Variants in BRIP1 observed in about 807,000 individuals in gnomAD.
BRIP1 encodes BRCA1 interacting DNA helicase 1, also known as Fanconi anemia group J protein.
BRIP1 carries 88 observed loss-of-function variants against 119.7 expected under a neutral mutation model. The ratio of observed to expected loss-of-function variants is 0.74; its 90% CI spans 0.62 to 0.88. BRIP1 has a LOEUF of 0.88. BRIP1 is among the 40% of genes least tolerant of loss of function. The pLI, the probability that BRIP1 is intolerant of heterozygous loss-of-function variation, is 0.00. For missense variants in BRIP1, 1,259 were observed against 1,455.4 expected (o/e 0.87, Z 2.20); for synonymous variants, 443 against 496.5 (o/e 0.89, Z 1.43).
chr17:61,786,654 C>T (rs902297532), intron 10 of BRIP1, among the ~76,000 whole-genome samples: 1 of 144,254 alleles, frequency 6.9e-6, no homozygotes, highest in Non-Finnish European at 1.5e-5. Flanking sequence ...ATTTAATTAA[C>T]TGAATTGAAT....
chr17:61,797,917 A>G (rs1247068430), intron 9 of BRIP1, among the ~76,000 whole-genome samples: 2 of 151,910 alleles, frequency 1.3e-5, no homozygotes, highest in African/African-American at 4.8e-5. Flanking sequence ...CAATTTCCAT[A>G]CTCTTATACA....
chr17:61,749,444 A>G (rs935547490), intron 14 of BRIP1, among the ~76,000 whole-genome samples: 9 of 152,206 alleles, frequency 5.9e-5, no homozygotes, highest in African/African-American at 2.2e-4. Context: ...AAAGGACATG[A>G]ATAGACAGTT....
rs1280090897 is a variant in BRIP1 at position 61,793,765 on chromosome 17, C to A, written c.1341-36G>T. 6.3e-7 allele frequency: 1 copy of A among 1,591,882 alleles called. No individual in the cohort carries two copies. Among genetic ancestry groups the A allele is most frequent in the Admixed American group, 1.7e-5 (1 of 59,138 alleles). Reference sequence around the variant, plus strand: ...ATAAAACAATTGTGTCAACCAGTATCATCCTTACACACACTATTTCAGCAG... The same window carrying A: ...ATAAAACAATTGTGTCAACCAGTATAATCCTTACACACACTATTTCAGCAG... On this transcript the variant is annotated intron_variant, in intron 9 of 19. Transcript: ENST00000259008. This position sits in a 1 kb window ranked among gnomAD's most constrained non-coding sequence, Gnocchi z 5.2.
Position 61,768,158 on chromosome 17 carries a change from C to T in BRIP1, c.2097+8243G>A, listed in dbSNP as rs986783976. Among the ~76,000 whole-genome samples the T allele has an allele frequency of 3.3e-5, 5 of 151,930 alleles. No homozygotes were observed. Among genetic ancestry groups the T allele is most frequent in the Non-Finnish European group, 7.4e-5 (5 of 67,990 alleles). On this transcript the variant is annotated intron_variant, in intron 14 of 19. Coordinates refer to ENST00000259008, the MANE Select transcript of BRIP1 (RefSeq NM_032043.3). This position sits in a 1 kb window ranked among gnomAD's most constrained non-coding sequence, Gnocchi z 5.0. ...TTTAACAGGACTTAGTGCAGTCCTC[C>T]GCACAAAGTATGTACTCAATAATGA...
At position 61,753,128 on chromosome 17, in the gene BRIP1, A is replaced by G. The variant is rs1245033807; in HGVS notation, c.2098-8537T>C. On this transcript the variant is annotated intron_variant, in intron 14 of 19. Coordinates refer to ENST00000259008, the MANE Select transcript of BRIP1 (RefSeq NM_032043.3). The surrounding 1 kb of genome is among the most constrained non-coding windows in gnomAD (Gnocchi z 4.6). ...AAGGAATAGAGACTCGAGCTTGTAT[A>G]CTCAGCCTCCTTGCCCTGTGATACT... Among the ~76,000 whole-genome samples the G allele has an allele frequency of 1.3e-5, 2 of 152,084 alleles. No individual in the cohort carries two copies. The highest frequency in any genetic ancestry group is 2.9e-5 in the Non-Finnish European group (2 of 68,026).
chr17:61,681,757 G>A lies in BRIP1; in HGVS notation c.*1539C>T, dbSNP rs2061273573. The A allele has an allele frequency of 5.0e-6, 1 of 198,162 alleles. No individual in the cohort carries two copies. Among genetic ancestry groups the A allele is most frequent in the African/African-American group, 2.3e-5 (1 of 43,504 alleles). The allele number at this position is 198,162 out of a possible 1,614,324, so 12.3% of individuals were successfully genotyped here. A position where few individuals can be genotyped will look rare whatever the true frequency, so the allele number is the denominator to read the frequency against. On this transcript the variant is annotated 3_prime_UTR_variant, in exon 20 of 20. Coordinates refer to ENST00000259008, the MANE Select transcript of BRIP1 (RefSeq NM_032043.3). This position sits in a 1 kb window ranked among gnomAD's most constrained non-coding sequence, Gnocchi z 5.1. ...TAAATGTCTTTGAACTACGCTTAGAGTTGTAACATCAAATGCTATAGAAAC... is the reference window on the plus strand; with the variant it reads ...TAAATGTCTTTGAACTACGCTTAGAATTGTAACATCAAATGCTATAGAAAC...
In BRIP1 at chr17:61,710,290, G is replaced by A. The variant is rs1423094179; in HGVS notation, c.2492+5661C>T. On this transcript the variant is annotated intron_variant, in intron 17 of 19. Coordinates refer to ENST00000259008, the MANE Select transcript of BRIP1 (RefSeq NM_032043.3). This position sits in a 1 kb window ranked among gnomAD's most constrained non-coding sequence, Gnocchi z 5.4. Reference sequence around the variant, plus strand: ...GCTCTCTGGGCAATGTTGTATGGCAGGAAAAAGCACTGAACCTCACATTTT... The same window carrying A: ...GCTCTCTGGGCAATGTTGTATGGCAAGAAAAAGCACTGAACCTCACATTTT... 6.6e-6 allele frequency among the ~76,000 whole-genome samples: 1 copy of A among 152,126 alleles called. No individual in the cohort carries two copies. The highest frequency in any genetic ancestry group is 1.9e-4 in the East Asian group (1 of 5,200).
rs1357550269 is a variant in BRIP1, at chr17:61,746,515, T to TAA, written c.2098-1926_2098-1925dup. 2.0e-5 allele frequency among the ~76,000 whole-genome samples: 3 copies of TAA among 152,090 alleles called. No homozygotes were observed. Among genetic ancestry groups the TAA allele is most frequent in the Non-Finnish European group, 4.4e-5 (3 of 67,978 alleles). ...AGAAAAAGATATTACTTATAAATGG[T>TAA]AACCAAAAGACAGCAGAGGTGGCAA... On this transcript the variant is annotated intron_variant, in intron 14 of 19. Coordinates refer to ENST00000259008, the MANE Select transcript of BRIP1 (RefSeq NM_032043.3). This position sits in a 1 kb window ranked among gnomAD's most constrained non-coding sequence, Gnocchi z 4.9.
chr17:61,706,663 A>G lies in BRIP1; in HGVS notation c.2492+9288T>C, dbSNP rs2061694372. 6.6e-6 allele frequency among the ~76,000 whole-genome samples: 1 copy of G among 152,092 alleles called. No individual in the cohort carries two copies. The highest frequency in any genetic ancestry group is 2.1e-4 in the South Asian group (1 of 4,822). On this transcript the variant is annotated intron_variant, in intron 17 of 19. Coordinates refer to ENST00000259008, the MANE Select transcript of BRIP1 (RefSeq NM_032043.3). This position sits in a 1 kb window ranked among gnomAD's most constrained non-coding sequence, Gnocchi z 5.7. ...TGATTCTCTCCTGTGGAAGATGTTT[A>G]TTTCTCTTATACCACTGATACTTCA... is the stretch of plus-strand genomic sequence containing the variant.
At chr17:61,858,965 G>C (rs1409491823) in intron 3 of BRIP1, among the ~76,000 whole-genome samples, 1 of 150,602 alleles carries the variant, frequency 6.6e-6, no homozygotes, top group Non-Finnish European at 1.5e-5. Flanking sequence ...AGAGGCTGAA[G>C]CAGGAGAATC....
At chr17:61,811,516 C>G (rs1270489126) in intron 6 of BRIP1, among the ~76,000 whole-genome samples, 1 of 151,700 alleles carries the variant, frequency 6.6e-6, no homozygotes, top group Non-Finnish European at 1.5e-5. Context: ...AGCCACCATG[C>G]CCGGCCAAGA....
In BRIP1 at chr17:61,742,963, C is replaced by A. The variant is rs752688682; in HGVS notation, c.2379+50G>T. The A allele has an allele frequency of 4.4e-6, 7 of 1,606,388 alleles. No individual in the cohort carries two copies. The highest frequency in any genetic ancestry group is 6.0e-6 in the Non-Finnish European group (7 of 1,173,892). ...AGGGATCCCTGCAATTAACTTTATA[C>A]AAAACCAATGACTCCTGTAATAATA... On this transcript the variant is annotated intron_variant, in intron 16 of 19. Transcript: ENST00000259008. This position sits in a 1 kb window ranked among gnomAD's most constrained non-coding sequence, Gnocchi z 4.7.
intron 16 of BRIP1, among the ~76,000 whole-genome samples, chr17:61,737,149 T>TG (rs1340204381): frequency 6.6e-6 from 1 of 151,938 alleles, no homozygotes; most frequent in African/African-American, 2.4e-5. Flanking sequence ...AAGGAAATGA[T>TG]GAAGGATTGA....
At chr17:61,782,607 T>C (rs541006623) in intron 11 of BRIP1, among the ~76,000 whole-genome samples, 37 of 152,236 alleles carry the variant, frequency 2.4e-4, no homozygotes, top group African/African-American at 7.9e-4. Flanking sequence ...GTAAAGTATA[T>C]ATCTCTTACA....
At chr17:61,692,824 ATTAAAC>A (rs908542497) in intron 18 of BRIP1, among the ~76,000 whole-genome samples, 5 of 152,224 alleles carry the variant, frequency 3.3e-5, no homozygotes, top group African/African-American at 1.2e-4. Flanking sequence ...AAATCAAAAA[ATTAAAC>A]TTAGAACTAT....
chr17:61,684,681 T>A lies in BRIP1; in HGVS notation c.2906-541A>T, dbSNP rs1284960225. The A allele has an allele frequency of 6.6e-6, 1 of 152,584 alleles. No individual in the cohort carries two copies. 9.5% of individuals were successfully genotyped at this position (152,584 alleles called of 1,614,324 possible). On this transcript the variant is annotated intron_variant, in intron 19 of 19. Transcript: ENST00000259008. The surrounding 1 kb of genome is among the most constrained non-coding windows in gnomAD (Gnocchi z 4.5). ...TATAGTGAATTTTGTATTACTATTT[T>A]GTAGTATTTATATACAAAATTGTAT...
At chr17:61,782,488 A>C (rs549073576) in intron 11 of BRIP1, among the ~76,000 whole-genome samples, 3 of 152,280 alleles carry the variant, frequency 2.0e-5, no homozygotes, top group Admixed American at 6.5e-5. Context: ...AGGCAACAAC[A>C]AGAAAAGAGA....
intron 6 of BRIP1, among the ~76,000 whole-genome samples, chr17:61,819,756 G>C (rs1338913736): frequency 3.9e-5 from 6 of 152,120 alleles, no homozygotes; most frequent in African/African-American, 9.7e-5. Context: ...AGGGGAGAGA[G>C]TGGAGTTGTT....
At position 61,806,546 on chromosome 17, in the gene BRIP1, T is replaced by C. The variant is rs1016725817; in HGVS notation, c.918+1921A>G. Among the ~76,000 whole-genome samples, 2 of 152,238 alleles carry C rather than the reference T, an allele frequency of 1.3e-5. No individual in the cohort carries two copies. The highest frequency in any genetic ancestry group is 2.9e-5 in the Non-Finnish European group (2 of 68,038). ...AGTCTACTGAATTCCTTTTTATTTT[T>C]ACATGATTCAAACTTATGAGTAAAG... is the stretch of plus-strand genomic sequence containing the variant. On this transcript the variant is annotated intron_variant, in intron 7 of 19. Transcript: ENST00000259008. The surrounding 1 kb of genome is among the most constrained non-coding windows in gnomAD (Gnocchi z 4.9).
Sources: gnomAD v4.1 joint callset for allele counts (sites outside exome capture counted in the v4.1 genomes callset) on GRCh38, gnomAD v4.1.1 for gene constraint, Gnocchi (gnomAD v3.1) non-coding constraint, MANE v1.5 for transcripts, NCBI Gene and HGNC (gene_info 2026-07-23, HGNC 2026-07-21) for gene names.